The following MYBPC1 variants were observed in gnomAD, a reference collection of about 807,000 sequenced individuals.
The protein encoded by MYBPC1 is myosin binding protein C1.
In MYBPC1, 52 loss-of-function variants were observed where a neutral mutation model predicts 147.1. The ratio of observed to expected loss-of-function variants is 0.35; its 90% CI spans 0.28 to 0.45. The LOEUF (loss-of-function observed/expected upper bound fraction) is 0.45, where lower values mean the gene tolerates loss of function less well. Among genes scored for constraint, MYBPC1 ranks in the 20% least tolerant of loss-of-function variants. MYBPC1 has a pLI of 1.00. For synonymous variants in MYBPC1, 477 were observed against 475.9 expected, an observed-to-expected ratio of 1.00 and a Z score of -0.03; for missense variants, 1,228 against 1,440.3, an observed-to-expected ratio of 0.85 and a Z score of 2.39.
chr12:101,680,638 C>T (rs1462367755), intron 29 of MYBPC1, 109 bp downstream of exon 29: 16 of 1,395,316 alleles, frequency 1.1e-5, no homozygotes, highest in East Asian at 7.1e-5. Flanking sequence ...AATGCTGCAG[C>T]GAGGGTGGGA....
chr12:101,652,659 A>C lies in MYBPC1; in HGVS notation c.1527-19A>C, dbSNP rs948054011. On this transcript the variant is annotated intron_variant, in intron 16 of 31. Transcript: ENST00000361466. ...TAGATCTTTGGAGTCTTAGAAATAC[A>C]TTTTCCTTGTTTCCTTAGGATCCAC... 1 of 1,557,936 alleles carries C rather than the reference A, an allele frequency of 6.4e-7. No homozygotes were observed. The highest frequency in any genetic ancestry group is 1.4e-5 in the African/African-American group (1 of 73,612).
At chr12:101,683,484 A>C (rs1474713914) in intron 30 of MYBPC1, among the ~76,000 whole-genome samples, 1 of 152,192 alleles carries the variant, frequency 6.6e-6, no homozygotes, top group Non-Finnish European at 1.5e-5. Context: ...TCCCATTACA[A>C]ATTCACAAGT....
chr12:101,687,773 T>C (rs7957666), downstream of MYBPC1, among the ~76,000 whole-genome samples: 79,114 of 152,092 alleles, frequency 0.52, 21,272 homozygotes, highest in Admixed American at 0.6. Context: ...GCCAAGACAT[T>C]GGCCAAGCTA....
intron 9 of MYBPC1, 150 bp downstream of exon 9, chr12:101,634,755 A>G: frequency 5.7e-6 from 4 of 703,766 alleles, no homozygotes; most frequent in East Asian, 2.8e-5. Flanking sequence ...TTGGTGTTCT[A>G]GAAAAACCAT....
chr12:101,636,612 G>A (rs953753626), intron 9 of MYBPC1, 60 bp from the exon 10 acceptor site: 23 of 1,426,372 alleles, frequency 1.6e-5, no homozygotes, highest in Non-Finnish European at 2.2e-5. Flanking sequence ...GTGTTTGGGG[G>A]AAATTGTTGT....
intron 3 of MYBPC1, among the ~76,000 whole-genome samples, chr12:101,624,987 G>C (rs1263373424): frequency 6.8e-6 from 1 of 146,364 alleles, no homozygotes; most frequent in Non-Finnish European, 1.5e-5. Context: ...CTGTATGTTA[G>C]TGACTTGCTG....
chr12:101,647,898 A>G, intron 13 of MYBPC1, 147 bp from the exon 14 acceptor site: 1 of 659,734 alleles, frequency 1.5e-6, no homozygotes, highest in Admixed American at 2.2e-5. Flanking sequence ...AAACAAGAAC[A>G]AAAACAAAAA....
At chr12:101,661,811 A>G (rs986962312) in intron 20 of MYBPC1, among the ~76,000 whole-genome samples, 2 of 150,892 alleles carry the variant, frequency 1.3e-5, no homozygotes, top group African/African-American at 4.9e-5. Flanking sequence ...TGGGAGGATC[A>G]CTTGGGCCCT....
intron 7 of MYBPC1, 124 bp from the exon 8 acceptor site, chr12:101,631,897 C>T (rs1031720348): frequency 1.0e-5 from 13 of 1,267,900 alleles, no homozygotes; most frequent in Middle Eastern, 1.8e-4. Context: ...CTACAGGACA[C>T]ATTTGCCCTC....
rs754849552 is a variant in MYBPC1, at chr12:101,670,316, C to G, written c.2525-5C>G. 8.1e-6 allele frequency: 13 copies of G among 1,613,058 alleles called. No homozygotes were observed. Among genetic ancestry groups the G allele is most frequent in the Non-Finnish European group, 1.1e-5 (13 of 1,179,140 alleles). ...GCAAAATTGTGCTATTTTACCCTCT[C>G]TCAGAACCTCCAAAGATTCGCATTC... is the stretch of plus-strand genomic sequence containing the variant. On this transcript the variant is annotated splice_region_variant and splice_polypyrimidine_tract_variant and intron_variant, in intron 23 of 31. Transcript: ENST00000361466.
At position 101,642,326 on chromosome 12, in the gene MYBPC1, C is replaced by CA; in HGVS notation, c.666-92dup. 3 of 1,346,178 alleles carry CA rather than the reference C, an allele frequency of 2.2e-6. No homozygotes were observed. The South Asian group carries it at 3.7e-5, about 16-fold the overall frequency. 83.4% of individuals were successfully genotyped at this position (1,346,178 alleles called of 1,614,324 possible). A position where few individuals can be genotyped will look rare whatever the true frequency, so the allele number is the denominator to read the frequency against. On this transcript the variant is annotated intron_variant, in intron 10 of 31. Transcript: ENST00000361466. ...TCAGGCTTTAAACAGAGCTTTTTTA[C>CA]ACTGAACTGAAAAAGCAGAATTATA...
chr12:101,629,143 A>G (rs762851921), intron 5 of MYBPC1: 8 of 408,268 alleles, frequency 2.0e-5, no homozygotes, highest in Non-Finnish European at 3.7e-5. Flanking sequence ...ATGGGGAAGC[A>G]AAGGAATTAT....
At chr12:101,682,767 T>C (rs763150470) in intron 30 of MYBPC1, 105 bp downstream of exon 30, 2 of 1,095,352 alleles carry the variant, frequency 1.8e-6, no homozygotes, top group Non-Finnish European at 2.7e-6. Context: ...TTGCTTTTAA[T>C]TGTACCCCTT....
At chr12:101,617,280 C>T (rs1331485506) in intron 3 of MYBPC1, 37 bp downstream of exon 3, 37 of 1,606,044 alleles carry the variant, frequency 2.3e-5, no homozygotes, top group Non-Finnish European at 3.2e-5. Context: ...CTGAAGTCAA[C>T]AAAATTAGAA....
At position 101,685,685 on chromosome 12, in the gene MYBPC1, G is replaced by T; in HGVS notation, c.*123G>T. On this transcript the variant is annotated 3_prime_UTR_variant, in exon 32 of 32. Coordinates refer to ENST00000361466, the MANE Select transcript of MYBPC1 (RefSeq NM_002465.4). ...CAAGCAATCCTGAGGAATACTGAGG[G>T]AGGGCCTGGCTACTGTCTCTCTGCA... 1 of 1,505,634 alleles carries T rather than the reference G, an allele frequency of 6.6e-7. No homozygotes were observed. Among genetic ancestry groups the T allele is most frequent in the Non-Finnish European group, 8.9e-7 (1 of 1,119,816 alleles). 93.3% of individuals were successfully genotyped at this position (1,505,634 alleles called of 1,614,324 possible).
intron 8 of MYBPC1, among the ~76,000 whole-genome samples, chr12:101,633,651 C>T (rs887217763): frequency 6.6e-6 from 1 of 150,886 alleles, no homozygotes; most frequent in African/African-American, 2.4e-5. Flanking sequence ...CGCGCCATTG[C>T]ACTCCAGCCT....
chr12:101,618,731 C>T (rs574583817), intron 3 of MYBPC1, among the ~76,000 whole-genome samples: 19 of 152,082 alleles, frequency 1.2e-4, no homozygotes, highest in African/African-American at 3.9e-4. Flanking sequence ...GAGAACACAG[C>T]GTGATGAAAG....
At chr12:101,665,253 A>G (rs569069544) in intron 22 of MYBPC1, among the ~76,000 whole-genome samples, 1 of 152,080 alleles carries the variant, frequency 6.6e-6, no homozygotes, top group African/African-American at 2.4e-5. Context: ...AACGTTCTGG[A>G]ATTAGCTTTC....
intron 1 of MYBPC1, among the ~76,000 whole-genome samples, chr12:101,605,304 A>G (rs1301390619): frequency 6.6e-6 from 1 of 152,244 alleles, no homozygotes; most frequent in Non-Finnish European, 1.5e-5. Context: ...CATTCATTTT[A>G]TCAAAGCTGC....
Sources: allele counts gnomAD v4.1 joint callset (sites outside exome capture counted in the v4.1 genomes callset), GRCh38; gene constraint gnomAD v4.1.1; transcripts MANE v1.5; gene names NCBI Gene and HGNC (gene_info 2026-07-23, HGNC 2026-07-21).